ENTPD1: variants seen among roughly 807,000 people sequenced by gnomAD.
ENTPD1 encodes ATP diphosphohydrolase.
Under a neutral mutation model 57.0 loss-of-function variants are expected in ENTPD1, and 33 were observed. That is an observed-to-expected ratio of 0.58 (90% CI 0.44 to 0.77). The LOEUF (loss-of-function observed/expected upper bound fraction) is 0.77. Ranked by LOEUF, ENTPD1 falls within the 30% of genes least tolerant of loss-of-function variation. The pLI is 0.00. For missense variants in ENTPD1, 501 were observed against 603.4 expected, an observed-to-expected ratio of 0.83 and a Z score of 1.78; for synonymous variants, 202 against 218.8, an observed-to-expected ratio of 0.92 and a Z score of 0.68.
At chr10:95,709,542 C>A (rs1566082989), upstream of ENTPD1, among the ~76,000 whole-genome samples, 1 of 152,088 alleles carries the variant, frequency 6.6e-6, no homozygotes, top group South Asian at 2.1e-4. Flanking sequence ...TGCCACCACG[C>A]CCGGCTAATT....
At chr10:95,770,126 G>A (rs1183208769) in intron 1 of ENTPD1, among the ~76,000 whole-genome samples, 1 of 145,428 alleles carries the variant, frequency 6.9e-6, no homozygotes, top group Non-Finnish European at 1.5e-5. Context: ...CTGGGTAAGT[G>A]AGTGTAACTA....
At chr10:95,698,166 A>G in the ENTPD1 span, among the ~76,000 whole-genome samples, 1 of 152,244 alleles carries the variant, frequency 6.6e-6, no homozygotes, top group Non-Finnish European at 1.5e-5. Flanking sequence ...AGTAAAGGCC[A>G]TCCTTGTTAT....
intron 1 of ENTPD1, among the ~76,000 whole-genome samples, chr10:95,746,639 G>T (rs2098006366): frequency 6.6e-6 from 1 of 152,162 alleles, no homozygotes; most frequent in African/African-American, 2.4e-5. Flanking sequence ...TCCACAAGAA[G>T]GGACGGGGCA....
At chr10:95,855,960 T>G (rs1452960063) in intron 7 of ENTPD1, among the ~76,000 whole-genome samples, 1 of 152,212 alleles carries the variant, frequency 6.6e-6, no homozygotes, top group African/African-American at 2.4e-5. Flanking sequence ...GTTCTCTGTA[T>G]TTCCTTAATT....
Position 95,871,832 on chromosome 10 carries a change from G to A in ENTPD1, c.*5449G>A. The A allele has an allele frequency of 1.0e-6, 1 of 985,366 alleles. No homozygotes were observed. Among genetic ancestry groups the A allele is most frequent in the South Asian group, 4.7e-5 (1 of 21,290 alleles). The allele number at this position is 985,366 out of a possible 1,614,324, so 61.0% of individuals were successfully genotyped here. On this transcript the variant is annotated 3_prime_UTR_variant, in exon 10 of 10. Transcript: ENST00000371205. ...CATCAGAGAACATGTATTAGTCAAT[G>A]GTAAGTAAGATACTCTCATCTAAGA...
At position 95,845,362 on chromosome 10, in the gene ENTPD1, A is replaced by G. The variant is rs1339343308; in HGVS notation, c.579A>G (p.Thr193=). The G allele has an allele frequency of 6.2e-7, 1 of 1,614,230 alleles. No individual in the cohort carries two copies. The highest frequency in any genetic ancestry group is 1.7e-5 in the Admixed American group (1 of 60,028). The change falls in exon 6 of 10, where the codon ACA becomes ACG. Residue 193 remains threonine, a synonymous_variant. Transcript: ENST00000371205. Reference sequence around the variant, plus strand: ...GTAACTGTACTGTCTTTCAGAAAACAAGGTGGTTCAGCATAGTCCCATATG... The same window carrying G: ...GTAACTGTACTGTCTTTCAGAAAACGAGGTGGTTCAGCATAGTCCCATATG... ...NYLLGKFSQK[T]RWFSIVPYET...
At chr10:95,851,232 ATATTTATATTTATATT>A (rs1346930915) in intron 7 of ENTPD1, among the ~76,000 whole-genome samples, 3 of 151,092 alleles carry the variant, frequency 2.0e-5, no homozygotes, top group African/African-American at 7.4e-5. Context: ...AAATGTGTGT[ATATTTATATTTATATT>A]TATTTATATT....
At chr10:95,829,064 G>C (rs946714556) in intron 2 of ENTPD1, among the ~76,000 whole-genome samples, 1 of 152,166 alleles carries the variant, frequency 6.6e-6, no homozygotes, top group African/African-American at 2.4e-5. Flanking sequence ...CTCACCCAAG[G>C]CAGAGGGGGA....
At chr10:95,756,094 C>G, upstream of ENTPD1, 1 of 1,519,920 alleles carries the variant, frequency 6.6e-7, no homozygotes, top group South Asian at 1.3e-5. Context: ...CGAAACGGGG[C>G]CGGCTAATTT....
At chr10:95,825,255 A>G (rs2098370329) in intron 2 of ENTPD1, among the ~76,000 whole-genome samples, 1 of 152,266 alleles carries the variant, frequency 6.6e-6, no homozygotes, top group Non-Finnish European at 1.5e-5. Flanking sequence ...AGAAAGTTCT[A>G]TTGGACATTG....
At chr10:95,857,629 T>C (rs149877215) in intron 7 of ENTPD1, among the ~76,000 whole-genome samples, 2 of 152,326 alleles carry the variant, frequency 1.3e-5, no homozygotes, top group Non-Finnish European at 2.9e-5. Context: ...AATCCAAGCA[T>C]ATATAAATTT....
intron 7 of ENTPD1, among the ~76,000 whole-genome samples, chr10:95,848,665 G>A (rs7089668): frequency 0.27 from 40,895 of 152,058 alleles, 6,346 homozygotes; most frequent in Admixed American, 0.38. Context: ...GCCAAAGCAG[G>A]AAAGATGTTT....
chr10:95,845,802 G>A (rs983830665), intron 6 of ENTPD1: 16 of 696,992 alleles, frequency 2.3e-5, no homozygotes, highest in Non-Finnish European at 3.2e-5. Flanking sequence ...TGTTTACTGC[G>A]TTATCTCCAC....
At chr10:95,802,129 T>C (rs7913082) in intron 1 of ENTPD1, among the ~76,000 whole-genome samples, 81,994 of 152,036 alleles carry the variant, frequency 0.54, 22,537 homozygotes, top group Admixed American at 0.63. Flanking sequence ...CATGAGACAT[T>C]AATCAAATAC....
chr10:95,870,963 C>T lies in ENTPD1; in HGVS notation c.*4580C>T, dbSNP rs2098479759. On this transcript the variant is annotated 3_prime_UTR_variant, in exon 10 of 10. Coordinates refer to ENST00000371205, the MANE Select transcript of ENTPD1 (RefSeq NM_001776.6). ...AGACCTATTCCATATACCTCTTGTT[C>T]TCCTTGTCCAGTGGTTTCTAGGGAT... The T allele has an allele frequency of 1.0e-6, 1 of 985,454 alleles. No individual in the cohort carries two copies. The highest frequency in any genetic ancestry group is 1.2e-6 in the Non-Finnish European group (1 of 829,928). The allele number at this position is 985,454 out of a possible 1,614,324, so 61.0% of individuals were successfully genotyped here. A position where few individuals can be genotyped will look rare whatever the true frequency, so the allele number is the denominator to read the frequency against.
chr10:95,794,925 AC>A (rs1038550658), intron 1 of ENTPD1, among the ~76,000 whole-genome samples: 2 of 151,972 alleles, frequency 1.3e-5, no homozygotes, highest in African/African-American at 4.8e-5. Context: ...AGAAGTGGAG[AC>A]CCAGGGAGGG....
At chr10:95,855,193 G>A (rs1837775294) in intron 7 of ENTPD1, among the ~76,000 whole-genome samples, 1 of 152,002 alleles carries the variant, frequency 6.6e-6, no homozygotes, top group African/African-American at 2.4e-5. Context: ...ATTATGTAAT[G>A]GCCTTCTTTG....
upstream of ENTPD1, chr10:95,755,319 G>A (rs1466234909): frequency 1.5e-5 from 3 of 201,748 alleles, no homozygotes; most frequent in Non-Finnish European, 3.1e-5. Flanking sequence ...ACAGCCTTGT[G>A]GAGGGAGAAG....
intron 2 of ENTPD1, among the ~76,000 whole-genome samples, chr10:95,827,653 T>A (rs1336764479): frequency 6.6e-6 from 1 of 152,094 alleles, no homozygotes; most frequent in Non-Finnish European, 1.5e-5. Context: ...GCCCAGCTAA[T>A]TTTTGTATTT....
Sources: gnomAD v4.1 joint callset for allele counts (sites outside exome capture counted in the v4.1 genomes callset) on GRCh38, gnomAD v4.1.1 for gene constraint, MANE v1.5 for transcripts, NCBI Gene and HGNC (gene_info 2026-07-23, HGNC 2026-07-21) for gene names.